The following PUDP variants were observed in gnomAD, a reference collection of about 807,000 sequenced individuals.
PUDP encodes the protein pseudouridine-5'-phosphatase.
A neutral mutation model predicts 9.4 loss-of-function variants in PUDP; 8 were observed. The observed-to-expected ratio is 0.85, with a 90% CI of 0.50 to 1.53. The LOEUF (loss-of-function observed/expected upper bound fraction) is 1.53, where lower values mean the gene tolerates loss of function less well. Among genes scored for constraint, PUDP ranks in the 40% most tolerant of loss-of-function variants. The pLI, the probability that PUDP is intolerant of heterozygous loss-of-function variation, is 0.00. For synonymous variants in PUDP, 99 were observed against 80.7 expected (o/e 1.23, Z -1.22); for missense variants, 188 against 189.7 (o/e 0.99, Z 0.05).
At position 6,758,524 on chromosome X, in the gene PUDP, G is replaced by A. The variant is rs993511413; in HGVS notation, c.*248-52058C>T. The stretch of plus-strand genomic sequence containing the variant: ...AAGCTCATCCTTGGCTCAGTTAGCC[G>A]CCAGAACAGACATTTTGCAAAACAT... On this transcript the variant is annotated intron_variant and NMD_transcript_variant, in intron 3 of 3. Transcript: ENST00000655425. 3.9e-4 allele frequency among the ~76,000 whole-genome samples: 44 copies of A among 111,757 alleles called. 1 individual carries two copies. The highest frequency in any genetic ancestry group is 1.1e-3 in the African/African-American group (34 of 30,775).
In PUDP at chrX:6,838,880, G is replaced by C. The variant is rs1397415638; in HGVS notation, c.*248-132414C>G. ...CTTGAAAGTGACTGTGCTCCATCAA[G>C]TCATGCATGTCTAAAGGGCTTCAGC... On this transcript the variant is annotated intron_variant and NMD_transcript_variant, in intron 3 of 3. Coordinates refer to the PUDP transcript ENST00000655425. 2.7e-5 allele frequency among the ~76,000 whole-genome samples: 3 copies of C among 112,137 alleles called. No individual in the cohort carries two copies. In the Admixed American group the frequency reaches 2.8e-4, roughly 11 times the overall value.
At chrX:7,088,242 G>A (rs1439419874) in intron 2 of PUDP, among the ~76,000 whole-genome samples, 7 of 111,760 alleles carry the variant, frequency 6.3e-5, no homozygotes, top group Non-Finnish European at 9.4e-5. Flanking sequence ...GGACTACAGC[G>A]TGTAATTTTT....
At position 7,049,554 on chromosome X, in the gene PUDP, C is replaced by T. The variant is rs1930037398; in HGVS notation, c.*742G>A. ...CATACTAACAATAAACTATGGATGACGTGGCACAGAGTCAGTCAATGAGGA... is the reference window on the plus strand; with the variant it reads ...CATACTAACAATAAACTATGGATGATGTGGCACAGAGTCAGTCAATGAGGA... On this transcript the variant is annotated 3_prime_UTR_variant, in exon 4 of 4. Transcript: ENST00000381077. 2.7e-5 allele frequency: 3 copies of T among 112,160 alleles called. No homozygotes were observed. The highest frequency in any genetic ancestry group is 5.6e-5 in the Non-Finnish European group (3 of 53,210). The allele number at this position is 112,160 out of a possible 1,213,427, so 9.2% of individuals were successfully genotyped here. A position where few individuals can be genotyped will look rare whatever the true frequency, so the allele number is the denominator to read the frequency against.
chrX:7,002,330 G>T (rs1453488442), intron 1 of PUDP, among the ~76,000 whole-genome samples: 2 of 112,108 alleles, frequency 1.8e-5, no homozygotes, highest in African/African-American at 6.5e-5. Context: ...AAATGTGGAG[G>T]CAAAATTGCA....
chrX:7,138,125 AT>A, intron 1 of PUDP, among the ~76,000 whole-genome samples: 1 of 111,858 alleles, frequency 8.9e-6, no homozygotes, highest in East Asian at 2.8e-4. Context: ...TAATTTCTAG[AT>A]TAGAGGAAAT....
At chrX:7,085,640 A>G (rs1374069146) in intron 2 of PUDP, among the ~76,000 whole-genome samples, 3 of 112,641 alleles carry the variant, frequency 2.7e-5, no homozygotes, top group African/African-American at 9.7e-5. Flanking sequence ...TTTAAGTTTA[A>G]CATCTGTTTA....
At chrX:6,966,085 A>G (rs1368294735) in intron 3 of PUDP, among the ~76,000 whole-genome samples, 1 of 111,588 alleles carries the variant, frequency 9.0e-6, no homozygotes, top group Non-Finnish European at 1.9e-5. Flanking sequence ...TTGGTCCCAC[A>G]GAATCAGAAT....
intron 3 of PUDP, among the ~76,000 whole-genome samples, chrX:6,943,641 A>G (rs1003039302): frequency 1.8e-5 from 2 of 111,892 alleles, no homozygotes; most frequent in Admixed American, 9.5e-5. Flanking sequence ...CATTCTAGAA[A>G]ATGATGTTTT....
At chrX:7,105,168 C>A (rs867188426) in intron 2 of PUDP, among the ~76,000 whole-genome samples, 1 of 108,200 alleles carries the variant, frequency 9.2e-6, no homozygotes. Flanking sequence ...ATGAATTCGA[C>A]TTTTTACTTT....
chrX:6,812,052 T>C (rs748196762), intron 3 of PUDP, among the ~76,000 whole-genome samples: 6 of 112,413 alleles, frequency 5.3e-5, no homozygotes, highest in Non-Finnish European at 1.1e-4. Context: ...TAATTCAACA[T>C]GGTTGGAACA....
At chrX:6,820,433 A>G (rs1019986867) in intron 3 of PUDP, among the ~76,000 whole-genome samples, 3 of 111,358 alleles carry the variant, frequency 2.7e-5, no homozygotes, top group African/African-American at 9.8e-5. Context: ...CATTAACCCA[A>G]AAGTCCACAG....
At chrX:7,118,688 C>T (rs1475665615) in intron 1 of PUDP, among the ~76,000 whole-genome samples, 1 of 112,286 alleles carries the variant, frequency 8.9e-6, no homozygotes, top group Non-Finnish European at 1.9e-5. Context: ...AGAGCCCCTT[C>T]TGAGACAAAT....
chrX:7,083,451 G>A lies in PUDP; in HGVS notation c.281-6002C>T, dbSNP rs767838371. Among the ~76,000 whole-genome samples, 46 of 111,709 alleles carry A rather than the reference G, an allele frequency of 4.1e-4. No homozygotes were observed. The East Asian group carries it at 0.013, about 31-fold the overall frequency. On this transcript the variant is annotated intron_variant, in intron 2 of 3. Coordinates refer to ENST00000381077, the MANE Select transcript of PUDP (RefSeq NM_012080.5). The stretch of plus-strand genomic sequence containing the variant: ...GAATGCTAGAAAAGAACAATTCCCA[G>A]AAGAAGAAAGAACATATGAGGATTA...
At chrX:6,828,927 C>T (rs1032667621) in intron 3 of PUDP, among the ~76,000 whole-genome samples, 17 of 110,608 alleles carry the variant, frequency 1.5e-4, no homozygotes, top group African/African-American at 4.9e-4. Flanking sequence ...AGTTCATTTA[C>T]GTATTCACCT....
chrX:6,784,260 C>T (rs1356156003), intron 3 of PUDP, among the ~76,000 whole-genome samples: 3 of 111,786 alleles, frequency 2.7e-5, no homozygotes, highest in Non-Finnish European at 5.6e-5. Context: ...ACACATCATT[C>T]GAGTCTAATT....
intron 3 of PUDP, among the ~76,000 whole-genome samples, chrX:6,814,930 T>A (rs1238262201): frequency 9.0e-6 from 1 of 111,724 alleles, no homozygotes; most frequent in Non-Finnish European, 1.9e-5. Flanking sequence ...TCTTTGCCTG[T>A]TTTCATAGCA....
intron 1 of PUDP, among the ~76,000 whole-genome samples, chrX:7,002,062 C>G (rs760913134): frequency 9.0e-6 from 1 of 111,573 alleles, no homozygotes; most frequent in South Asian, 3.7e-4. Flanking sequence ...ACGTAAGTCA[C>G]CATGGCTCAG....
chrX:6,979,013 G>A (rs1474567742), intron 1 of PUDP, among the ~76,000 whole-genome samples: 1 of 111,182 alleles, frequency 9.0e-6, no homozygotes, highest in African/African-American at 3.3e-5. Flanking sequence ...AAACATTTTT[G>A]GGCAAGAAAC....
At chrX:6,914,749 C>A (rs1927903220) in intron 3 of PUDP, among the ~76,000 whole-genome samples, 1 of 112,346 alleles carries the variant, frequency 8.9e-6, no homozygotes, top group African/African-American at 3.2e-5. Context: ...ACAAGCACAT[C>A]TCATGCTCAC....
Sources: allele counts gnomAD v4.1 joint callset (sites outside exome capture counted in the v4.1 genomes callset), GRCh38; gene constraint gnomAD v4.1.1; transcripts MANE v1.5; gene names NCBI Gene and HGNC (gene_info 2026-07-23, HGNC 2026-07-21).